Variants in FAT2 observed in about 807,000 individuals in gnomAD.
FAT2 encodes FAT atypical cadherin 2, also known as protocadherin Fat 2.
FAT2 carries 150 observed loss-of-function variants against 295.3 expected under a neutral mutation model. The ratio of observed to expected loss-of-function variants is 0.51; its 90% CI spans 0.44 to 0.58. FAT2 has a LOEUF of 0.58. Ranked by LOEUF, FAT2 falls within the 20% of genes least tolerant of loss-of-function variation. The probability of loss-of-function intolerance (pLI) is 0.00; values close to 1 mark genes in which losing one functional copy is unlikely to be tolerated. For synonymous variants in FAT2, 2,026 were observed against 2,150.3 expected, an observed-to-expected ratio of 0.94 and a Z score of 1.60; for missense variants, 4,868 against 5,442.7, an observed-to-expected ratio of 0.89 and a Z score of 3.32.
intron 22 of FAT2, 27 bp downstream of exon 22, chr5:151,509,994 A>G (rs761919973): frequency 7.5e-6 from 12 of 1,609,580 alleles, no homozygotes; most frequent in Middle Eastern, 1.7e-4. Flanking sequence ...CAAGGAGCCC[A>G]TGGCAGGTGG....
At chr5:151,592,315 C>T (rs542419555), upstream of FAT2, among the ~76,000 whole-genome samples, 10 of 152,296 alleles carry the variant, frequency 6.6e-5, no homozygotes, top group South Asian at 2.1e-3. Flanking sequence ...ACAGGTGAGG[C>T]CCATGTCTAC....
intron 4 of FAT2, among the ~76,000 whole-genome samples, chr5:151,555,284 T>G (rs926749803): frequency 1.3e-5 from 2 of 152,238 alleles, no homozygotes; most frequent in African/African-American, 4.8e-5. Context: ...AAGGTAAATA[T>G]CTGTTACTGA....
Position 151,591,314 on chromosome 5 carries a change from A to G in FAT2, c.-170T>C, listed in dbSNP as rs1027726196. Among the ~76,000 whole-genome samples, 2 of 152,204 alleles carry G rather than the reference A, an allele frequency of 1.3e-5. No individual in the cohort carries two copies. The highest frequency in any genetic ancestry group is 4.1e-4 in the South Asian group (2 of 4,828). ...CCGCAGCCGGAGAGGCTGCTGAGAA[A>G]GTTGGAGTAGGTGTGTCCCAGCCCA... On this transcript the variant is annotated 5_prime_UTR_variant, in exon 1 of 24. Coordinates refer to ENST00000261800, the MANE Select transcript of FAT2 (RefSeq NM_001447.3).
chr5:151,538,440 A>C (rs1232745951), intron 11 of FAT2, among the ~76,000 whole-genome samples: 1 of 152,068 alleles, frequency 6.6e-6, no homozygotes, highest in Non-Finnish European at 1.5e-5. Flanking sequence ...CAGACCCTTG[A>C]CCTTTGAGTC....
At chr5:151,581,655 T>A (rs963773212) in intron 1 of FAT2, among the ~76,000 whole-genome samples, 1 of 152,222 alleles carries the variant, frequency 6.6e-6, no homozygotes, top group African/African-American at 2.4e-5. Flanking sequence ...ATCCTCATTT[T>A]GTAGATGAGA....
intron 4 of FAT2, among the ~76,000 whole-genome samples, chr5:151,556,107 A>G (rs1474129335): frequency 6.6e-6 from 1 of 152,210 alleles, no homozygotes; most frequent in Non-Finnish European, 1.5e-5. Context: ...CACTCCCTGC[A>G]GGCATCACTA....
rs756113722 is a variant in FAT2 at position 151,510,051 on chromosome 5, C to T, written c.12029G>A (p.Cys4010Tyr). ...TCCTGTGTAAGGATGAGGGCAGTTACAGGAAGCTCCTTTGGGGGAGAGGAT... is the reference window on the plus strand; with the variant it reads ...TCCTGTGTAAGGATGAGGGCAGTTATAGGAAGCTCCTTTGGGGGAGAGGAT... ...TCILSPKGASCNCPHPYTGDR... is the reference protein window; with the variant it reads ...TCILSPKGASYNCPHPYTGDR... The change falls in exon 22 of 24, where the codon TGT becomes TAT. Residue 4010 changes from cysteine to tyrosine, a missense_variant. Cys to Tyr is a radical substitution (Grantham distance 194, BLOSUM62 -2). This residue lies in a region of FAT2 where 492 missense variants were observed against 482.6 expected (regional missense o/e 1.02). Transcript: ENST00000261800. 1 of 1,614,156 alleles carries T rather than the reference C, an allele frequency of 6.2e-7. No individual in the cohort carries two copies.
At chr5:151,537,035 A>G (rs891555461) in intron 12 of FAT2, among the ~76,000 whole-genome samples, 37 of 152,172 alleles carry the variant, frequency 2.4e-4, no homozygotes, top group African/African-American at 8.9e-4. Context: ...TTCTGTGTCC[A>G]CAAGTCTCAC....
intron 13 of FAT2, among the ~76,000 whole-genome samples, chr5:151,533,587 A>T (rs1335916356): frequency 6.6e-6 from 1 of 152,164 alleles, no homozygotes; most frequent in Non-Finnish European, 1.5e-5. Flanking sequence ...TGTCAAACAG[A>T]GCAGGGTGTT....
intron 19 of FAT2, among the ~76,000 whole-genome samples, chr5:151,519,729 C>T (rs1212784231): frequency 6.6e-6 from 1 of 151,770 alleles, no homozygotes; most frequent in Non-Finnish European, 1.5e-5. Flanking sequence ...AATTGGTTTC[C>T]TGTATGTTTT....
At position 151,504,357 on chromosome 5, in the gene FAT2, C is replaced by T. The variant is rs1760683665; in HGVS notation, c.*1208G>A. ...TGGGTGGGAGGGAGTGGTGAGGTCA[C>T]CAAAGGCCACAGAGGCTTCTGGTCC... On this transcript the variant is annotated 3_prime_UTR_variant, in exon 24 of 24. Transcript: ENST00000261800. 6.6e-6 allele frequency: 1 copy of T among 152,662 alleles called. No individual in the cohort carries two copies. The highest frequency in any genetic ancestry group is 1.5e-5 in the Non-Finnish European group (1 of 68,068). 9.5% of individuals were successfully genotyped at this position (152,662 alleles called of 1,614,324 possible). A position where few individuals can be genotyped will look rare whatever the true frequency, so the allele number is the denominator to read the frequency against.
chr5:151,572,448 C>G (rs1758569563), intron 1 of FAT2, among the ~76,000 whole-genome samples: 1 of 152,204 alleles, frequency 6.6e-6, no homozygotes, highest in African/African-American at 2.4e-5. Flanking sequence ...AGGTTCTTTC[C>G]TCCTGACTGT....
chr5:151,538,078 GA>G (rs759544817), intron 11 of FAT2, 132 bp from the exon 12 acceptor site: 9 of 656,036 alleles, frequency 1.4e-5, no homozygotes, highest in Non-Finnish European at 2.2e-5. Context: ...AAGAGAGACA[GA>G]AAAAAGAACA....
intron 1 of FAT2, among the ~76,000 whole-genome samples, chr5:151,573,465 C>G (rs1230786173): frequency 6.6e-6 from 1 of 152,054 alleles, no homozygotes; most frequent in Non-Finnish European, 1.5e-5. Context: ...ACCATCCTGG[C>G]CAACATGGTG....
At chr5:151,592,227 A>T (rs1759441023), upstream of FAT2, among the ~76,000 whole-genome samples, 1 of 152,216 alleles carries the variant, frequency 6.6e-6, no homozygotes, top group East Asian at 1.9e-4. Context: ...GAGTTAGACA[A>T]GGATTAGCAC....
At position 151,512,173 on chromosome 5, in the gene FAT2, TG is replaced by T; in HGVS notation, c.11896del (p.His3966MetfsTer69). ...CLNGGKCSWT[H>X]GAGYVCKCPP... ...GGCACCCCAGCCCTCACCTGCCCCA[TG>T]GGTCCATGAGCACTTCCCACCATTG... On this transcript the variant is annotated frameshift_variant, in exon 21 of 24. Transcript: ENST00000261800. LOFTEE classifies it high-confidence loss of function. This position sits in a 1 kb window ranked among gnomAD's most constrained non-coding sequence, Gnocchi z 4.1. 2 of 1,611,826 alleles carry T rather than the reference TG, an allele frequency of 1.2e-6. No individual in the cohort carries two copies. The highest frequency in any genetic ancestry group is 1.7e-6 in the Non-Finnish European group (2 of 1,178,070).
chr5:151,567,873 T>C lies in FAT2; in HGVS notation c.1059A>G (p.Pro353=). 6.2e-7 allele frequency: 1 copy of C among 1,613,978 alleles called. No individual in the cohort carries two copies. Among genetic ancestry groups the C allele is most frequent in the Non-Finnish European group, 8.5e-7 (1 of 1,179,976 alleles). ...FYSQIRGFHL[P]PSKLSSLKFE... Reference sequence around the variant, plus strand: ...ATTTGAGGGAAGACAGTTTGGAAGGTGGTAGGTGAAAGCCCCTGATCTGGG... The same window carrying C: ...ATTTGAGGGAAGACAGTTTGGAAGGCGGTAGGTGAAAGCCCCTGATCTGGG... The change falls in exon 2 of 24, where the codon CCA becomes CCG. Residue 353 remains proline, a synonymous_variant. Transcript: ENST00000261800.
chr5:151,531,367 G>T lies in FAT2; in HGVS notation c.9811+220C>A, dbSNP rs1307058081. On this transcript the variant is annotated intron_variant, in intron 14 of 23. Transcript: ENST00000261800. This position sits in a 1 kb window ranked among gnomAD's most constrained non-coding sequence, Gnocchi z 5.7. ...TGGACACAGAGACCTGGCTGCGGAC[G>T]TGGGAGGGTCCCGTTTAAGGGAGGC... Among the ~76,000 whole-genome samples, 1 of 152,182 alleles carries T rather than the reference G, an allele frequency of 6.6e-6. No individual in the cohort carries two copies. Among genetic ancestry groups the T allele is most frequent in the African/African-American group, 2.4e-5 (1 of 41,448 alleles).
intron 2 of FAT2, among the ~76,000 whole-genome samples, 168 bp downstream of exon 2, chr5:151,565,505 T>TA (rs1189099396): frequency 4.0e-5 from 6 of 151,836 alleles, no homozygotes; most frequent in Non-Finnish European, 5.9e-5. Context: ...ATATTCCCAG[T>TA]AAAAACAAAT....
Sources: gnomAD v4.1 joint callset for allele counts (sites outside exome capture counted in the v4.1 genomes callset) on GRCh38, gnomAD v4.1.1 for gene constraint, gnomAD v4.1.1 regional missense constraint, Gnocchi (gnomAD v3.1) non-coding constraint, MANE v1.5 for transcripts, NCBI Gene and HGNC (gene_info 2026-07-23, HGNC 2026-07-21) for gene names.